Variants in GPC6 observed in about 807,000 individuals in gnomAD.
GPC6 encodes the protein glypican-6.
In GPC6, 14 loss-of-function variants were observed where a neutral mutation model predicts 55.2. The ratio of observed to expected loss-of-function variants is 0.25; its 90% CI spans 0.17 to 0.40. GPC6 has a LOEUF of 0.40. GPC6 is among the 10% of genes least tolerant of loss of function. The pLI, the probability that GPC6 is intolerant of heterozygous loss-of-function variation, is 1.00. For synonymous variants in GPC6, 278 were observed against 259.6 expected (o/e 1.07, Z -0.68); for missense variants, 641 against 708.5 (o/e 0.90, Z 1.08).
intron 1 of GPC6, among the ~76,000 whole-genome samples, chr13:93,245,294 T>A (rs1317533305): frequency 6.6e-6 from 1 of 152,224 alleles, no homozygotes; most frequent in Admixed American, 6.5e-5. Context: ...CAGTTTTGGA[T>A]ACTCTGATTT....
rs1892531953 is a variant in GPC6, at chr13:94,286,406, T to C, written c.935T>C (p.Met312Thr). ...GGGCCATTCAACATTGAGTCGGTCA[T>C]GGACCCGATAGATGTCAAGATTTCT... ...LEGPFNIESV[M>T]DPIDVKISEA... is the part of the protein sequence containing the mutation. Residue 312 changes from methionine (M) to threonine (T), a missense_variant, in exon 5 of 9, where the codon ATG (methionine) becomes ACG (threonine). Coordinates refer to ENST00000377047, the MANE Select transcript of GPC6 (RefSeq NM_005708.5). The C allele has an allele frequency of 1.9e-6, 3 of 1,613,778 alleles. No individual in the cohort carries two copies. The highest frequency in any genetic ancestry group is 1.7e-6 in the Non-Finnish European group (2 of 1,179,732).
chr13:93,519,761 C>T (rs563045189), intron 1 of GPC6, among the ~76,000 whole-genome samples: 2 of 152,008 alleles, frequency 1.3e-5, no homozygotes, highest in African/African-American at 2.4e-5. Flanking sequence ...CTGGCTCAGA[C>T]TGTAATTAAA....
intron 1 of GPC6, among the ~76,000 whole-genome samples, chr13:93,506,793 C>G (rs1299618479): frequency 6.7e-6 from 1 of 149,084 alleles, no homozygotes; most frequent in East Asian, 2.0e-4. Context: ...GTAATCCCGG[C>G]ACTTTGGGAG....
intron 2 of GPC6, among the ~76,000 whole-genome samples, chr13:93,590,590 CAAT>C (rs1316468642): frequency 5.9e-5 from 9 of 151,856 alleles, no homozygotes; most frequent in Non-Finnish European, 8.8e-5. Flanking sequence ...TTTTCGATAA[CAAT>C]AAGTTTTTTA....
rs566504382 is a variant in GPC6 at position 93,429,557 on chromosome 13, C to T, written c.161-115706C>T. Among the ~76,000 whole-genome samples the T allele has an allele frequency of 7.2e-5, 11 of 152,218 alleles. 1 individual carries two copies. In the South Asian group the frequency reaches 2.3e-3, roughly 32 times the overall value. On this transcript the variant is annotated intron_variant, in intron 1 of 8. Transcript: ENST00000377047. ...TCTAGACACACTGCCCATTCATGAC[C>T]TGTTAAGTAAACTAGGCAGCAGATT... is the stretch of plus-strand genomic sequence containing the variant.
intron 2 of GPC6, among the ~76,000 whole-genome samples, chr13:93,703,515 A>G (rs1041350909): frequency 2.6e-5 from 4 of 152,002 alleles, no homozygotes; most frequent in African/African-American, 7.2e-5. Flanking sequence ...ATGTAAAAAA[A>G]TTCAATATCT....
chr13:94,389,156 G>A (rs1880535992), intron 7 of GPC6, among the ~76,000 whole-genome samples: 1 of 152,186 alleles, frequency 6.6e-6, no homozygotes, highest in Admixed American at 6.5e-5. Context: ...CTGAAAGGAA[G>A]CTAGTAAGTT....
At chr13:93,299,081 G>A (rs865838012) in intron 1 of GPC6, among the ~76,000 whole-genome samples, 24 of 152,112 alleles carry the variant, frequency 1.6e-4, no homozygotes, top group Middle Eastern at 3.4e-3. Context: ...GGGGTCATTT[G>A]TTTCTTTCAA....
At chr13:94,345,231 C>T (rs1401930535) in intron 6 of GPC6, among the ~76,000 whole-genome samples, 2 of 152,054 alleles carry the variant, frequency 1.3e-5, no homozygotes, top group Non-Finnish European at 2.9e-5. Context: ...ACCTGCAGGT[C>T]AATATTTTTC....
intron 3 of GPC6, among the ~76,000 whole-genome samples, chr13:93,967,087 A>G (rs762973055): frequency 5.3e-5 from 8 of 152,184 alleles, no homozygotes; most frequent in Non-Finnish European, 7.3e-5. Flanking sequence ...GTCTCCAAAT[A>G]CAGAAAAGGA....
intron 1 of GPC6, among the ~76,000 whole-genome samples, chr13:93,542,118 T>G (rs1384333545): frequency 6.6e-6 from 1 of 152,256 alleles, no homozygotes. Flanking sequence ...TCCTGAATGC[T>G]AATGCCTAGG....
intron 3 of GPC6, among the ~76,000 whole-genome samples, chr13:93,952,764 G>A (rs1879309885): frequency 2.0e-5 from 3 of 149,926 alleles, no homozygotes; most frequent in Non-Finnish European, 4.5e-5. Context: ...TGACGTGTGT[G>A]TGTGAGATGT....
At chr13:93,883,259 A>G (rs1257416301) in intron 3 of GPC6, among the ~76,000 whole-genome samples, 2 of 151,464 alleles carry the variant, frequency 1.3e-5, no homozygotes, top group Non-Finnish European at 2.9e-5. Flanking sequence ...CTGGATGTCT[A>G]GAAGGAAGCT....
chr13:93,231,325 A>G (rs1490520420), intron 1 of GPC6, among the ~76,000 whole-genome samples: 3 of 74,690 alleles, frequency 4.0e-5, no homozygotes, highest in Admixed American at 1.9e-4. Context: ...ATATATATAT[A>G]TATACGTATA....
chr13:93,653,329 G>A (rs1047817587), intron 2 of GPC6, among the ~76,000 whole-genome samples: 1 of 152,110 alleles, frequency 6.6e-6, no homozygotes, highest in Non-Finnish European at 1.5e-5. Flanking sequence ...GAAATCACAT[G>A]TTAAATTATA....
At chr13:94,154,587 C>A (rs1275240705) in intron 4 of GPC6, among the ~76,000 whole-genome samples, 2 of 152,106 alleles carry the variant, frequency 1.3e-5, no homozygotes, top group African/African-American at 4.8e-5. Context: ...GAGAGCAAGG[C>A]TATCAGCCTT....
intron 6 of GPC6, among the ~76,000 whole-genome samples, chr13:94,374,082 A>G (rs1879717857): frequency 6.6e-6 from 1 of 152,190 alleles, no homozygotes; most frequent in Admixed American, 6.5e-5. Flanking sequence ...CATGGAAAGG[A>G]ACAACCGATA....
intron 3 of GPC6, among the ~76,000 whole-genome samples, chr13:94,011,638 C>T (rs1594664602): frequency 1.3e-5 from 2 of 152,268 alleles, no homozygotes; most frequent in East Asian, 3.9e-4. Flanking sequence ...TCCAAGGATA[C>T]TGAATTCCTC....
At chr13:94,186,945 T>G (rs1889214872) in intron 4 of GPC6, 1 of 152,248 alleles carries the variant, frequency 6.6e-6, no homozygotes, top group Non-Finnish European at 1.5e-5. Flanking sequence ...ATCAGAGCTC[T>G]CTCTCTCCTT....
Sources: gnomAD v4.1 joint callset for allele counts (sites outside exome capture counted in the v4.1 genomes callset) on GRCh38, gnomAD v4.1.1 for gene constraint, MANE v1.5 for transcripts, NCBI Gene and HGNC (gene_info 2026-07-23, HGNC 2026-07-21) for gene names.